FASN: variants seen among roughly 807,000 people sequenced by gnomAD.
FASN encodes the protein 3-hydroxyacyl-[acyl-carrier-protein] dehydratase.
Under a neutral mutation model 250.0 loss-of-function variants are expected in FASN, and 50 were observed. The observed-to-expected ratio is 0.20, with a 90% CI of 0.16 to 0.25. The LOEUF (loss-of-function observed/expected upper bound fraction) is 0.25, where lower values mean the gene tolerates loss of function less well. FASN is among the 10% of genes least tolerant of loss of function. The probability of loss-of-function intolerance (pLI) is 1.00; values close to 1 mark genes in which losing one functional copy is unlikely to be tolerated. For missense variants in FASN, 3,031 were observed against 3,498.5 expected (o/e 0.87, Z 3.37); for synonymous variants, 1,909 against 1,584.0 (o/e 1.21, Z -4.87).
In FASN at chr17:82,081,161, C is replaced by A; in HGVS notation, c.6595+3G>T. 6.3e-7 allele frequency: 1 copy of A among 1,578,012 alleles called. No individual in the cohort carries two copies. The highest frequency in any genetic ancestry group is 8.6e-7 in the Non-Finnish European group (1 of 1,163,310). On this transcript the variant is annotated splice_donor_region_variant and intron_variant, in intron 38 of 42. Transcript: ENST00000306749. ...CCACTCCCGCCTGGCCACCCACACG[C>A]ACCGCTGGCCTCATCCGCCTTTGAG... is the stretch of plus-strand genomic sequence containing the variant.
chr17:82,083,584 C>T lies in FASN; in HGVS notation c.5274G>A (p.Arg1758=), dbSNP rs2034030999. The T allele has an allele frequency of 8.1e-6, 13 of 1,612,642 alleles. No individual in the cohort carries two copies. Among genetic ancestry groups the T allele is most frequent in the Non-Finnish European group, 1.1e-5 (13 of 1,179,910 alleles). The change falls in exon 31 of 43, where the codon AGG becomes AGA. Residue 1758 remains arginine, a synonymous_variant. Coordinates refer to ENST00000306749, the MANE Select transcript of FASN (RefSeq NM_004104.5). ...LAEEKLQASV[R]CLATHGRFLE... ...GGAAGCGACCGTGCGTAGCCAAGCA[C>T]CTCACGCTGGCCTGCAGCTTCTCTT...
At position 82,083,100 on chromosome 17, in the gene FASN, G is replaced by A. The variant is rs1427718217; in HGVS notation, c.5581C>T (p.Pro1861Ser). The change falls in exon 33 of 43, where the codon CCG (proline) becomes TCG (serine). Residue 1861 changes from proline (P) to serine (S), a missense_variant. Physicochemically the swap from Pro to Ser is moderately conservative, Grantham distance 74. Transcript: ENST00000306749. ...TTGGCCCCCTTCAGCACTGCCTCCG[G>A]CTCCTCCGCAAGCACCTGCGTCCAA... The part of the protein sequence containing the change: ...KVVVQVLAEE[P>S]EAVLKGAKPK... 1 of 1,610,342 alleles carries A rather than the reference G, an allele frequency of 6.2e-7. No homozygotes were observed. The highest frequency in any genetic ancestry group is 8.5e-7 in the Non-Finnish European group (1 of 1,179,960).
At chr17:82,081,518 G>A (rs563452729) in intron 37 of FASN, 83 bp downstream of exon 37, 169 of 1,597,216 alleles carry the variant, frequency 1.1e-4, no homozygotes, top group Middle Eastern at 5.1e-4. Context: ...AAACTGAGGC[G>A]CACAGGGGCA....
chr17:82,089,606 G>A, intron 12 of FASN, 26 bp downstream of exon 12: 3 of 1,573,430 alleles, frequency 1.9e-6, no homozygotes, highest in Non-Finnish European at 1.7e-6. Flanking sequence ...GGGGACAGAG[G>A]AGCCCGCCCA....
rs1297221181 is a variant in FASN at position 82,086,240 on chromosome 17, C to T, written c.3732+14G>A. ...TGTCCGGGGCAGAGGCCTGGCTGCC[C>T]AGGAGGCACCCACCTCCACCACCTT... is the stretch of plus-strand genomic sequence containing the variant. On this transcript the variant is annotated intron_variant, in intron 22 of 42. Coordinates refer to ENST00000306749, the MANE Select transcript of FASN (RefSeq NM_004104.5). 1.3e-6 allele frequency: 2 copies of T among 1,549,948 alleles called. No individual in the cohort carries two copies. The highest frequency in any genetic ancestry group is 1.2e-5 in the South Asian group (1 of 85,270).
intron 1 of FASN, chr17:82,096,904 C>A: frequency 3.7e-6 from 1 of 272,442 alleles, no homozygotes. Flanking sequence ...CCTCAGGTGG[C>A]CAGCCTGCTA....
rs981532906 is a variant in FASN at position 82,080,554 on chromosome 17, T to C, written c.6863A>G (p.Tyr2288Cys). ...PLDSIHSLAA[Y>C]YIDCIRQVQP... ...CACCTGCCTGATGCAGTCGATGTAG[T>C]AGGCAGCCAGGCTGTGGATGCTGTC... The change falls in exon 40 of 43, where the codon TAC becomes TGC. Residue 2288 changes from tyrosine to cysteine, a missense_variant. By Grantham distance (194) the Tyr-to-Cys change is radical. Transcript: ENST00000306749. 1.3e-6 allele frequency: 2 copies of C among 1,560,212 alleles called. No individual in the cohort carries two copies. Among genetic ancestry groups the C allele is most frequent in the Non-Finnish European group, 1.7e-6 (2 of 1,153,116 alleles).
chr17:82,086,941 C>T (rs1046093416), intron 21 of FASN, 109 bp downstream of exon 21: 8 of 1,268,784 alleles, frequency 6.3e-6, no homozygotes, highest in Non-Finnish European at 8.9e-6. Flanking sequence ...GCTAGGGTTG[C>T]TGACCCCAAA....
chr17:82,086,387 TGCGCCAGCTCCA>T lies in FASN; in HGVS notation c.3587_3598del (p.Leu1196_Ala1199del). On this transcript the variant is annotated inframe_deletion, in exon 22 of 43. Coordinates refer to ENST00000306749, the MANE Select transcript of FASN (RefSeq NM_004104.5). ...CTTGGGCCTCTCCTGGGCCAGCACCTGCGCCAGCTCCAGCTGCAGGTTCCCGTTGAGCTGAAG... is the reference window on the plus strand; with the variant it reads ...CTTGGGCCTCTCCTGGGCCAGCACCTGCTGCAGGTTCCCGTTGAGCTGAAG... 6.2e-7 allele frequency: 1 copy of T among 1,609,938 alleles called. No homozygotes were observed.
At chr17:82,096,828 C>T in intron 1 of FASN, 1 of 346,798 alleles carries the variant, frequency 2.9e-6, no homozygotes, top group Non-Finnish European at 5.6e-6. Flanking sequence ...TTGTCCCAGG[C>T]CATCCCTAGG....
rs1265273432 is a variant in FASN at position 82,081,216 on chromosome 17, T to C, written c.6543A>G (p.Gln2181=). The C allele has an allele frequency of 1.9e-6, 3 of 1,593,278 alleles. No individual in the cohort carries two copies. Among genetic ancestry groups the C allele is most frequent in the Middle Eastern group, 1.7e-4 (1 of 5,946 alleles). Residue 2181 remains glutamine (Q), a synonymous_variant, in exon 38 of 43, where the codon CAA becomes CAG. Coordinates refer to ENST00000306749, the MANE Select transcript of FASN (RefSeq NM_004104.5). The part of the protein sequence containing the change: ...NLVLSVREVR[Q]LTLRKLQELS... ...GCTCCTGCAGTTTCCGGAGCGTGAG[T>C]TGCCGCACCTCGCGCACGGACAGCA... is the stretch of plus-strand genomic sequence containing the variant.
At position 82,084,698 on chromosome 17, in the gene FASN, G is replaced by A. The variant is rs993639588; in HGVS notation, c.4583C>T (p.Thr1528Met). Residue 1528 changes from threonine to methionine, a missense_variant, in exon 27 of 43, where the codon ACG becomes ATG. Physicochemically the swap from Thr to Met is moderately conservative, Grantham distance 81. Coordinates refer to ENST00000306749, the MANE Select transcript of FASN (RefSeq NM_004104.5). The stretch of plus-strand genomic sequence containing the variant: ...GAGGGTGCTCACAAAGGCATGTGCC[G>A]TCGGCTCCTCAGGCTTGTCTAGGGA... ...LLEEDKPEEP[T>M]AHAFVSTLTR... The A allele has an allele frequency of 6.4e-6, 10 of 1,568,874 alleles. No individual in the cohort carries two copies. The highest frequency in any genetic ancestry group is 4.7e-5 in the East Asian group (2 of 42,270).
intron 37 of FASN, 81 bp from the exon 38 acceptor site, chr17:82,081,433 G>A (rs900422368): frequency 1.3e-6 from 2 of 1,564,666 alleles, no homozygotes; most frequent in Non-Finnish European, 1.7e-6. Context: ...ACCCAGGGGT[G>A]CGTGGGCTGT....
At chr17:82,094,765 G>A (rs933002075) in intron 3 of FASN, among the ~76,000 whole-genome samples, 1 of 151,660 alleles carries the variant, frequency 6.6e-6, no homozygotes, top group African/African-American at 2.4e-5. Context: ...CTCCAACCTG[G>A]TGACAGAGTG....
chr17:82,096,837 G>A, intron 1 of FASN: 1 of 335,440 alleles, frequency 3.0e-6, no homozygotes, highest in Non-Finnish European at 5.8e-6. Flanking sequence ...GCCATCCCTA[G>A]GGCACCAGGG....
chr17:82,089,222 C>A (rs748788255), intron 13 of FASN, 28 bp downstream of exon 13: 5 of 1,610,774 alleles, frequency 3.1e-6, no homozygotes, highest in Admixed American at 1.7e-5. Flanking sequence ...CTGGCCCGCC[C>A]CGCACCCCCC....
chr17:82,082,461 C>A, intron 34 of FASN, 47 bp from the exon 35 acceptor site: 1 of 1,611,882 alleles, frequency 6.2e-7, no homozygotes, highest in Non-Finnish European at 8.5e-7. Context: ...GGGCCTCACC[C>A]GTCCACCCAG....
At position 82,083,132 on chromosome 17, in the gene FASN, C is replaced by T. The variant is rs748123959; in HGVS notation, c.5566-17G>A. The T allele has an allele frequency of 6.2e-6, 10 of 1,610,136 alleles. 1 individual carries two copies. In the South Asian group the frequency reaches 6.6e-5, roughly 11 times the overall value. On this transcript the variant is annotated splice_polypyrimidine_tract_variant and intron_variant, in intron 32 of 42. Coordinates refer to ENST00000306749, the MANE Select transcript of FASN (RefSeq NM_004104.5). Reference sequence around the variant, plus strand: ...CGCAAGCACCTGCGTCCAAGCAGCACCCACCGGCTCAGGCACTGCCTGGGG... The same window carrying T: ...CGCAAGCACCTGCGTCCAAGCAGCATCCACCGGCTCAGGCACTGCCTGGGG...
In FASN at chr17:82,082,949, T is replaced by G; in HGVS notation, c.5732A>C (p.Lys1911Thr). 1 of 1,612,796 alleles carries G rather than the reference T, an allele frequency of 6.2e-7. No individual in the cohort carries two copies. Among genetic ancestry groups the G allele is most frequent in the Non-Finnish European group, 8.5e-7 (1 of 1,179,984 alleles). The change falls in exon 33 of 43, where the codon AAG becomes ACG. Residue 1911 changes from lysine (K) to threonine (T), a missense_variant. By Grantham distance (78) the Lys-to-Thr change is moderately conservative (BLOSUM62 -1). Transcript: ENST00000306749. The stretch of plus-strand genomic sequence containing the variant: ...CCCGGAGCGAGAAGTCAACACGAGC[T>G]TCTGCACCCCACGCTGTATCAGCCA... Reference protein sequence around the residue: ...AQWLIQRGVQKLVLTSRSGIR... With the variant: ...AQWLIQRGVQTLVLTSRSGIR...
Sources: allele counts gnomAD v4.1 joint callset (sites outside exome capture counted in the v4.1 genomes callset), GRCh38; gene constraint gnomAD v4.1.1; transcripts MANE v1.5; gene names NCBI Gene and HGNC (gene_info 2026-07-23, HGNC 2026-07-21).